The following MYOF variants were observed in gnomAD, a reference collection of about 807,000 sequenced individuals.
MYOF encodes myoferlin.
In MYOF, 244 loss-of-function variants were observed where a neutral mutation model predicts 284.2. That is an observed-to-expected ratio of 0.86 (90% CI 0.77 to 0.95). The LOEUF is 0.95. Among genes scored for constraint, MYOF ranks in the 40% least tolerant of loss-of-function variants. The probability of loss-of-function intolerance (pLI) is 0.00; values close to 1 mark genes in which losing one functional copy is unlikely to be tolerated. For missense variants in MYOF, 2,496 were observed against 2,560.6 expected (o/e 0.97, Z 0.54); for synonymous variants, 904 against 919.7 (o/e 0.98, Z 0.31).
At position 93,349,970 on chromosome 10, in the gene MYOF, C is replaced by T. The variant is rs1265053338; in HGVS notation, c.3922-1G>A. The stretch of plus-strand genomic sequence containing the variant: ...TATTTCTTAAGCCCCAAGCTAGAAT[C>T]TATGAAAACGATTTAAAGAGAGGGG... On this transcript the variant is annotated splice_acceptor_variant, in intron 35 of 53. Coordinates refer to ENST00000359263, the MANE Select transcript of MYOF (RefSeq NM_013451.4). LOFTEE classifies it high-confidence loss of function. 2.5e-6 allele frequency: 4 copies of T among 1,612,838 alleles called. No homozygotes were observed. Among genetic ancestry groups the T allele is most frequent in the Non-Finnish European group, 2.5e-6 (3 of 1,179,574 alleles).
intron 50 of MYOF, among the ~76,000 whole-genome samples, chr10:93,314,384 C>T (rs562670538): frequency 2.6e-5 from 4 of 152,116 alleles, no homozygotes; most frequent in South Asian, 2.1e-4. Context: ...CCACTGTGCC[C>T]GGCCACATTA....
intron 12 of MYOF, among the ~76,000 whole-genome samples, chr10:93,399,789 T>G (rs1847188399): frequency 6.6e-6 from 1 of 152,202 alleles, no homozygotes; most frequent in Non-Finnish European, 1.5e-5. Context: ...GGAGAACTGC[T>G]TGAACCTGGG....
Position 93,408,906 on chromosome 10 carries a change from G to C in MYOF, c.610C>G (p.Arg204Gly), listed in dbSNP as rs370504948. 1.2e-6 allele frequency: 2 copies of C among 1,614,038 alleles called. No individual in the cohort carries two copies. The highest frequency in any genetic ancestry group is 1.7e-6 in the Non-Finnish European group (2 of 1,180,040). ...CTTAACTGTCGGCCCTCAATCACTC[G>C]GACGCGGATCTGCAGCACAGAAGGG... ...NKPQDFQIRV[R>G]VIEGRQLSGN... is the part of the protein sequence containing the mutation. Residue 204 changes from arginine (R) to glycine (G), a missense_variant, in exon 7 of 54, where the codon CGA becomes GGA. Physicochemically the swap from Arg to Gly is moderately radical, Grantham distance 125. Around this residue, in one of 3 missense-constraint regions of MYOF, gnomAD observed 2,436 missense variants for 2,480.7 expected, o/e 0.98. Coordinates refer to ENST00000359263, the MANE Select transcript of MYOF (RefSeq NM_013451.4).
chr10:93,457,502 C>G (rs2056771335), intron 1 of MYOF, among the ~76,000 whole-genome samples: 1 of 152,122 alleles, frequency 6.6e-6, no homozygotes, highest in African/African-American at 2.4e-5. Flanking sequence ...TTGGGGCTTC[C>G]TTTACTCCGA....
chr10:93,461,772 A>G (rs1028211870), intron 1 of MYOF, among the ~76,000 whole-genome samples: 1 of 152,210 alleles, frequency 6.6e-6, no homozygotes, highest in Non-Finnish European at 1.5e-5. Flanking sequence ...GTACCAGGCT[A>G]AGCTTCATTT....
At position 93,351,394 on chromosome 10, in the gene MYOF, G is replaced by A. The variant is rs1451681666; in HGVS notation, c.3822+19C>T. ...TTAAGCAGCTGACAGAATACATGAG[G>A]AAGAACACAGCAATGTACCTTGCCC... On this transcript the variant is annotated intron_variant, in intron 34 of 53. Transcript: ENST00000359263. 5 of 1,612,930 alleles carry A rather than the reference G, an allele frequency of 3.1e-6. No individual in the cohort carries two copies. The Admixed American group carries it at 6.7e-5, about 22-fold the overall frequency.
At chr10:93,361,145 G>C (rs565969665) in intron 28 of MYOF, among the ~76,000 whole-genome samples, 1 of 152,286 alleles carries the variant, frequency 6.6e-6, no homozygotes, top group South Asian at 2.1e-4. Context: ...CCCATGAGGA[G>C]CACACAACCT....
At chr10:93,409,031 C>T (rs762030133) in intron 6 of MYOF, 116 bp from the exon 7 acceptor site, 17 of 1,479,500 alleles carry the variant, frequency 1.1e-5, no homozygotes, top group African/African-American at 1.4e-5. Context: ...CAGGCCAGGG[C>T]AGCTTTGTGC....
At chr10:93,404,118 C>A (rs1847430837) in intron 8 of MYOF, 39 bp downstream of exon 8, 4 of 1,613,732 alleles carry the variant, frequency 2.5e-6, no homozygotes, top group Non-Finnish European at 3.4e-6. Context: ...CTTTGCCTGG[C>A]AGTGAGTGAG....
chr10:93,438,458 C>T (rs2056139895), intron 3 of MYOF, among the ~76,000 whole-genome samples: 1 of 152,212 alleles, frequency 6.6e-6, no homozygotes, highest in South Asian at 2.1e-4. Context: ...CACCCCTCCA[C>T]TTGCACTTGC....
At chr10:93,345,900 A>G (rs1283110913) in intron 37 of MYOF, among the ~76,000 whole-genome samples, 2 of 152,150 alleles carry the variant, frequency 1.3e-5, no homozygotes, top group African/African-American at 4.8e-5. Flanking sequence ...GACCCAGCCC[A>G]CCCCTGAGCA....
At chr10:93,399,334 G>T in intron 13 of MYOF, 58 bp downstream of exon 13, 1 of 1,316,844 alleles carries the variant, frequency 7.6e-7, no homozygotes, top group African/African-American at 1.5e-5. Flanking sequence ...TCCAAGGAAA[G>T]CACAGTAGTT....
intron 29 of MYOF, 39 bp from the exon 30 acceptor site, chr10:93,356,887 A>G (rs1844831586): frequency 6.4e-7 from 1 of 1,572,606 alleles, no homozygotes; most frequent in South Asian, 1.2e-5. Context: ...GACGATGATG[A>G]TGATGATATT....
intron 5 of MYOF, among the ~76,000 whole-genome samples, chr10:93,421,196 G>A (rs564093046): frequency 1.2e-4 from 18 of 152,166 alleles, no homozygotes; most frequent in Admixed American, 3.9e-4. Context: ...CAGCCTGGGC[G>A]ACAGACTGAG....
At chr10:93,431,655 G>A (rs1848877414) in intron 3 of MYOF, 139 bp from the exon 4 acceptor site, 2 of 600,696 alleles carry the variant, frequency 3.3e-6, no homozygotes, top group South Asian at 4.3e-5. Context: ...TTTGCTATTA[G>A]CCTCGCAGGG....
chr10:93,322,480 C>CTATGATCGAGGCA (rs1842885569), intron 48 of MYOF, among the ~76,000 whole-genome samples: 1 of 152,134 alleles, frequency 6.6e-6, no homozygotes, highest in Admixed American at 6.5e-5. Context: ...CACGCAACAT[C>CTATGATCGAGGCA]TATGATCGAG....
Position 93,394,448 on chromosome 10 carries a change from C to CTTTTTTTTTTTTTTTTTTTTTTTTTTTT in MYOF, c.1418-1521_1418-1494dup, listed in dbSNP as rs33970988. Reference sequence around the variant, plus strand: ...ATATCTCCTTTGGTCACCATCTTGTCTTTTTTTTTTTTTTTTTTTTTTTTT... The same window carrying CTTTTTTTTTTTTTTTTTTTTTTTTTTTT: ...ATATCTCCTTTGGTCACCATCTTGTCTTTTTTTTTTTTTTTTTTTTTTTTTTTTTTTTTTTTTTTTTTTTTTTTTTTTT... On this transcript the variant is annotated intron_variant, in intron 16 of 53. Coordinates refer to ENST00000359263, the MANE Select transcript of MYOF (RefSeq NM_013451.4). 2.4e-4 allele frequency among the ~76,000 whole-genome samples: 7 copies of CTTTTTTTTTTTTTTTTTTTTTTTTTTTT among 28,698 alleles called. 2 individuals are homozygous for CTTTTTTTTTTTTTTTTTTTTTTTTTTTT. The highest frequency in any genetic ancestry group is 4.6e-4 in the Non-Finnish European group (7 of 15,346). The allele number at this position is 28,698 out of a possible 152,430, so 18.8% of individuals were successfully genotyped here. A position where few individuals can be genotyped will look rare whatever the true frequency, so the allele number is the denominator to read the frequency against.
Position 93,334,874 on chromosome 10 carries a change from A to G in MYOF, c.4564-961T>C, listed in dbSNP as rs1453839517. Among the ~76,000 whole-genome samples, 5 of 152,224 alleles carry G rather than the reference A, an allele frequency of 3.3e-5. No homozygotes were observed. In the South Asian group the frequency reaches 1.0e-3, roughly 32 times the overall value. On this transcript the variant is annotated intron_variant, in intron 41 of 53. Coordinates refer to ENST00000359263, the MANE Select transcript of MYOF (RefSeq NM_013451.4). ...TTGCTTGGTGGGAGGCTGTACTGAG[A>G]AGGATTTGAGACCACACATCAGGCA...
At chr10:93,307,188 A>ACCAC (rs770925425) in intron 53 of MYOF, among the ~76,000 whole-genome samples, 187 bp from the exon 54 acceptor site, 1 of 111,962 alleles carries the variant, frequency 8.9e-6, no homozygotes, top group Non-Finnish European at 2.1e-5. Context: ...TGCCAGTAGC[A>ACCAC]CCCCCCCGCC....
Sources: gnomAD v4.1 joint callset for allele counts (sites outside exome capture counted in the v4.1 genomes callset) on GRCh38, gnomAD v4.1.1 for gene constraint, gnomAD v4.1.1 regional missense constraint, MANE v1.5 for transcripts, NCBI Gene and HGNC (gene_info 2026-07-23, HGNC 2026-07-21) for gene names.